The following OR3A2 variants were observed in gnomAD, a reference collection of about 807,000 sequenced individuals.
OR3A2 encodes olfactory receptor 3A2.
For missense variants in OR3A2, 318 were observed against 392.8 expected (o/e 0.81, Z 1.61); for synonymous variants, 126 against 159.3 (o/e 0.79, Z 1.57).
chr17:3,319,135 C>T lies in OR3A2; in HGVS notation c.-85+16898G>A, dbSNP rs567841616. 5.3e-5 allele frequency among the ~76,000 whole-genome samples: 8 copies of T among 152,226 alleles called. No homozygotes were observed. The East Asian group carries it at 1.4e-3, about 26-fold the overall frequency. ...TACTATCATTGAAAAAACAGTGTCC[C>T]TCCACTAATTAATTCATTTATTTAG... is the stretch of plus-strand genomic sequence containing the variant. On this transcript the variant is annotated intron_variant, in intron 3 of 4. Transcript: ENST00000573491.
At chr17:3,317,393 G>C (rs1283379657) in intron 3 of OR3A2, among the ~76,000 whole-genome samples, 1 of 152,234 alleles carries the variant, frequency 6.6e-6, no homozygotes, top group Non-Finnish European at 1.5e-5. Flanking sequence ...TAGTTGTCCA[G>C]GCCAGAATAT....
At chr17:3,283,407 T>C (rs972624348) in intron 1 of OR3A2, among the ~76,000 whole-genome samples, 2 of 152,166 alleles carry the variant, frequency 1.3e-5, no homozygotes, top group African/African-American at 4.8e-5. Context: ...GTATTTTTAG[T>C]AGAGACAGGG....
At chr17:3,349,080 C>T (rs1467793020) in intron 2 of OR3A2, among the ~76,000 whole-genome samples, 1 of 152,028 alleles carries the variant, frequency 6.6e-6, no homozygotes, top group African/African-American at 2.4e-5. Flanking sequence ...CAAAATCATG[C>T]CAAAATGTAA....
At chr17:3,277,183 C>T (rs1305050371), downstream of OR3A2, 1 of 151,976 alleles carries the variant, frequency 6.6e-6, no homozygotes, top group Non-Finnish European at 1.5e-5. Flanking sequence ...GCCTCGGCCT[C>T]CCAAAGTGCT....
Position 3,339,829 on chromosome 17 carries a change from A to G in OR3A2, c.-178-3703T>C, listed in dbSNP as rs1005271275. ...ATTCCCTCTTTTTCTATTGATTGGA[A>G]TAGTTTCAGAAGGAATGGTACCAGC... On this transcript the variant is annotated intron_variant, in intron 2 of 4. Transcript: ENST00000573491. Among the ~76,000 whole-genome samples, 7 of 152,288 alleles carry G rather than the reference A, an allele frequency of 4.6e-5. No homozygotes were observed. In the East Asian group the frequency reaches 1.2e-3, roughly 25 times the overall value.
chr17:3,310,527 G>C (rs566465022), intron 3 of OR3A2: 1 of 535,922 alleles, frequency 1.9e-6, no homozygotes, highest in African/African-American at 1.9e-5. Flanking sequence ...GTCCCTGCCA[G>C]ATGTGGGGTG....
chr17:3,362,614 T>C (rs960375558), intron 2 of OR3A2, among the ~76,000 whole-genome samples: 1 of 151,766 alleles, frequency 6.6e-6, no homozygotes. Flanking sequence ...TCTGGTACGT[T>C]GTGTCTTTGT....
At chr17:3,348,546 A>G (rs910985131) in intron 2 of OR3A2, among the ~76,000 whole-genome samples, 6 of 152,188 alleles carry the variant, frequency 3.9e-5, no homozygotes, top group African/African-American at 9.7e-5. Context: ...GACAAAATCT[A>G]CATCTCACTG....
rs555135809 is a variant in OR3A2, at chr17:3,341,402, C to T, written c.-178-5276G>A. ...GGCATGTTTCTGCAGTGGCTAGTAC[C>T]GGTTTTTCCTTTCCACGTTTAGTGT... On this transcript the variant is annotated intron_variant, in intron 2 of 4. Transcript: ENST00000573491. Among the ~76,000 whole-genome samples, 9 of 152,236 alleles carry T rather than the reference C, an allele frequency of 5.9e-5. No individual in the cohort carries two copies. In the South Asian group the frequency reaches 6.2e-4, roughly 11 times the overall value.
At chr17:3,370,841 C>T (rs1353242457) in intron 2 of OR3A2, among the ~76,000 whole-genome samples, 1 of 151,802 alleles carries the variant, frequency 6.6e-6, no homozygotes, top group Admixed American at 6.6e-5. Context: ...AACGAGCATG[C>T]TGCCTTCAAG....
In OR3A2 at chr17:3,303,723, G is replaced by A. The variant is rs542388398; in HGVS notation, c.-84-24570C>T. The stretch of plus-strand genomic sequence containing the variant: ...TCACACCACTGCACTCCAGCCTGGC[G>A]AATGAGCAAGACTTCATCTCAAAAA... On this transcript the variant is annotated intron_variant, in intron 3 of 4. Coordinates refer to the OR3A2 transcript ENST00000573491. Among the ~76,000 whole-genome samples, 53 of 125,264 alleles carry A rather than the reference G, an allele frequency of 4.2e-4. No individual in the cohort carries two copies. In the East Asian group the frequency reaches 0.012, roughly 28 times the overall value. 82.2% of individuals were successfully genotyped at this position (125,264 alleles called of 152,430 possible).
intron 2 of OR3A2, among the ~76,000 whole-genome samples, chr17:3,345,285 G>GAC: frequency 6.6e-6 from 1 of 152,128 alleles, no homozygotes; most frequent in Non-Finnish European, 1.5e-5. Context: ...AAATAATCCG[G>GAC]ACACATCTAT....
chr17:3,372,443 A>C (rs910546943), intron 2 of OR3A2, among the ~76,000 whole-genome samples: 13 of 152,024 alleles, frequency 8.6e-5, no homozygotes, highest in African/African-American at 2.9e-4. Flanking sequence ...AGAGGCTGCA[A>C]TCTCGGCACT....
At chr17:3,349,079 G>T (rs2049395882) in intron 2 of OR3A2, among the ~76,000 whole-genome samples, 1 of 152,118 alleles carries the variant, frequency 6.6e-6, no homozygotes. Context: ...GCAAAATCAT[G>T]CCAAAATGTA....
At position 3,300,025 on chromosome 17, in the gene OR3A2, C is replaced by T. The variant is rs148053756; in HGVS notation, c.-84-20872G>A. Among the ~76,000 whole-genome samples, 12 of 151,512 alleles carry T rather than the reference C, an allele frequency of 7.9e-5. No individual in the cohort carries two copies. In the East Asian group the frequency reaches 1.9e-3, roughly 24 times the overall value. On this transcript the variant is annotated intron_variant, in intron 3 of 4. Coordinates refer to the OR3A2 transcript ENST00000573491. ...CTTTGCAGAGGAGGAATTTGAGGCT[C>T]GGGGAAGTTTAGTAACTTACTTAAT...
intron 2 of OR3A2, among the ~76,000 whole-genome samples, chr17:3,356,033 C>G (rs540835232): frequency 5.9e-5 from 9 of 151,354 alleles, no homozygotes; most frequent in African/African-American, 2.2e-4. Flanking sequence ...CTAGCAAATA[C>G]TGTCTCATAA....
chr17:3,303,743 CA>C (rs71153338), intron 3 of OR3A2, among the ~76,000 whole-genome samples: 8 of 106,758 alleles, frequency 7.5e-5, no homozygotes, highest in Admixed American at 1.1e-4. Context: ...GACTTCATCT[CA>C]AAAAAAAAAA....
chr17:3,330,510 T>C (rs1241504239), intron 3 of OR3A2, among the ~76,000 whole-genome samples: 1 of 152,164 alleles, frequency 6.6e-6, no homozygotes, highest in Non-Finnish European at 1.5e-5. Flanking sequence ...TAAAGTCTGA[T>C]TTATCAGAGA....
upstream of OR3A2, among the ~76,000 whole-genome samples, chr17:3,288,654 C>T (rs1006020647): frequency 6.6e-6 from 1 of 152,162 alleles, no homozygotes; most frequent in Non-Finnish European, 1.5e-5. Context: ...ATATATATAA[C>T]ATCCAATGAG....
Sources: allele counts gnomAD v4.1 joint callset (sites outside exome capture counted in the v4.1 genomes callset), GRCh38; gene constraint gnomAD v4.1.1; transcripts MANE v1.5; gene names NCBI Gene and HGNC (gene_info 2026-07-23, HGNC 2026-07-21).